The following CIDEA variants were observed in gnomAD, a reference collection of about 807,000 sequenced individuals.
CIDEA encodes cell death inducing DFFA like effector a.
In CIDEA, 10 loss-of-function variants were observed where a neutral mutation model predicts 18.2. The ratio of observed to expected loss-of-function variants is 0.55; its 90% CI spans 0.34 to 0.93. The LOEUF is 0.93. Among genes scored for constraint, CIDEA ranks in the 40% least tolerant of loss-of-function variants. The pLI is 0.02. For synonymous variants in CIDEA, 128 were observed against 124.8 expected (o/e 1.03, Z -0.17); for missense variants, 309 against 293.1 (o/e 1.05, Z -0.40).
chr18:12,259,965 T>A (rs1210658895), intron 1 of CIDEA, among the ~76,000 whole-genome samples: 1 of 152,190 alleles, frequency 6.6e-6, no homozygotes, highest in Non-Finnish European at 1.5e-5. Context: ...GGCCCTGATG[T>A]CATCCTGGCC....
At chr18:12,255,007 G>A (rs146573603) in intron 1 of CIDEA, 8 of 1,130,528 alleles carry the variant, frequency 7.1e-6, no homozygotes, top group Non-Finnish European at 8.0e-6. Flanking sequence ...TCCAAGGGCG[G>A]AGACGCTGCC....
intron 1 of CIDEA, among the ~76,000 whole-genome samples, chr18:12,257,429 G>A (rs1418289410): frequency 6.6e-6 from 1 of 152,118 alleles, no homozygotes; most frequent in Non-Finnish European, 1.5e-5. Context: ...CTCCATAGGT[G>A]GCATGTAAAG....
rs146513528 is a variant in CIDEA at position 12,262,951 on chromosome 18, G to T, written c.165G>T (p.Leu55=). 2 of 1,614,164 alleles carry T rather than the reference G, an allele frequency of 1.2e-6. No homozygotes were observed. The highest frequency in any genetic ancestry group is 1.7e-6 in the Non-Finnish European group (2 of 1,180,042). ...SSRRGVMASS[L]QELISKTLDA... is the part of the protein sequence containing the mutation. ...GGCGTGGGGTGATGGCAAGCAGCCT[G>T]CAGGAGCTCATCAGCAAGGTGCCCC... The change falls in exon 2 of 5, where the codon CTG becomes CTT. Residue 55 remains leucine, a synonymous_variant. Coordinates refer to ENST00000320477, the MANE Select transcript of CIDEA (RefSeq NM_001279.4).
At chr18:12,258,501 A>G (rs1912100070) in intron 1 of CIDEA, among the ~76,000 whole-genome samples, 1 of 152,232 alleles carries the variant, frequency 6.6e-6, no homozygotes, top group African/African-American at 2.4e-5. Flanking sequence ...GTGGGAAAGT[A>G]GGAGATGCAC....
At chr18:12,258,014 T>G (rs1191622991) in intron 1 of CIDEA, among the ~76,000 whole-genome samples, 1 of 152,180 alleles carries the variant, frequency 6.6e-6, no homozygotes, top group Non-Finnish European at 1.5e-5. Flanking sequence ...GTGTTACATA[T>G]GAGACAGCCT....
chr18:12,268,380 G>T (rs1398488949), intron 3 of CIDEA, among the ~76,000 whole-genome samples: 8 of 136,284 alleles, frequency 5.9e-5, no homozygotes, highest in Admixed American at 1.5e-4. Context: ...GCCCCCAGTG[G>T]TTTTTTTTTT....
At chr18:12,260,747 T>A (rs1187123099) in intron 1 of CIDEA, among the ~76,000 whole-genome samples, 1 of 152,212 alleles carries the variant, frequency 6.6e-6, no homozygotes, top group Admixed American at 6.5e-5. Context: ...TATTTTAGCA[T>A]TCAGTGAGTT....
chr18:12,264,703 G>C (rs1349160206), intron 3 of CIDEA, among the ~76,000 whole-genome samples: 1 of 152,046 alleles, frequency 6.6e-6, no homozygotes, highest in South Asian at 2.1e-4. Flanking sequence ...ACAGGCACCC[G>C]CCACCACGCC....
rs1285349657 is a variant in CIDEA, at chr18:12,268,230, AT to A, written c.330+3799del. On this transcript the variant is annotated intron_variant, in intron 3 of 4. Coordinates refer to ENST00000320477, the MANE Select transcript of CIDEA (RefSeq NM_001279.4). ...CAAGTGCCTGCCACCATGCCCGGCC[AT>A]TTTTTTTTTTTTTTTTTTTTTCATT... is the stretch of plus-strand genomic sequence containing the variant. Among the ~76,000 whole-genome samples the A allele has an allele frequency of 9.8e-3, 1,124 of 114,586 alleles. 24 individuals are homozygous for A. Among genetic ancestry groups the A allele is most frequent in the African/African-American group, 0.037 (1,049 of 28,468 alleles). 75.2% of individuals were successfully genotyped at this position (114,586 alleles called of 152,430 possible).
chr18:12,268,806 C>T (rs1360051819), intron 3 of CIDEA, among the ~76,000 whole-genome samples: 4 of 151,638 alleles, frequency 2.6e-5, no homozygotes. Flanking sequence ...AAAGTAATAA[C>T]CCAATACAGA....
intron 1 of CIDEA, among the ~76,000 whole-genome samples, chr18:12,261,091 TA>T (rs1912177794): frequency 6.6e-6 from 1 of 152,152 alleles, no homozygotes; most frequent in Non-Finnish European, 1.5e-5. Flanking sequence ...TTTCTGAATG[TA>T]AAAAAGTCGG....
At chr18:12,273,560 C>T (rs150585711) in intron 3 of CIDEA, among the ~76,000 whole-genome samples, 10 of 152,296 alleles carry the variant, frequency 6.6e-5, no homozygotes, top group South Asian at 2.1e-4. Context: ...CCATGGAGTC[C>T]GCTCTCAACC....
At chr18:12,274,318 C>T (rs1232835325) in intron 4 of CIDEA, 44 bp downstream of exon 4, 2 of 1,589,104 alleles carry the variant, frequency 1.3e-6, no homozygotes, top group Admixed American at 3.3e-5. Flanking sequence ...GCAGACTGCA[C>T]AGGGTGTGGC....
intron 3 of CIDEA, among the ~76,000 whole-genome samples, chr18:12,270,897 T>TTTC (rs1555662493): frequency 1.1e-5 from 1 of 90,870 alleles, no homozygotes; most frequent in Non-Finnish European, 2.5e-5. Context: ...TTCTTTTCTT[T>TTTC]TTTTTTTTTT....
intron 1 of CIDEA, chr18:12,254,724 G>A (rs1398029424): frequency 6.8e-7 from 1 of 1,468,904 alleles, no homozygotes; most frequent in Non-Finnish European, 9.1e-7. Flanking sequence ...CCAGGTGACA[G>A]CTGGCGAGTG....
At position 12,277,426 on chromosome 18, in the gene CIDEA, G is replaced by A. The variant is rs1905382284; in HGVS notation, c.*156G>A. 8 of 864,814 alleles carry A rather than the reference G, an allele frequency of 9.3e-6. No homozygotes were observed. Among genetic ancestry groups the A allele is most frequent in the Non-Finnish European group, 1.4e-5 (8 of 572,022 alleles). The allele number at this position is 864,814 out of a possible 1,614,324, so 53.6% of individuals were successfully genotyped here. Reference sequence around the variant, plus strand: ...TGCCCAGAAAAGGAAAGGGCTTGGTGGTACATGAAGTGGGGGCAGTGGGCA... The same window carrying A: ...TGCCCAGAAAAGGAAAGGGCTTGGTAGTACATGAAGTGGGGGCAGTGGGCA... On this transcript the variant is annotated 3_prime_UTR_variant, in exon 5 of 5. Coordinates refer to ENST00000320477, the MANE Select transcript of CIDEA (RefSeq NM_001279.4).
chr18:12,275,658 G>A (rs1179535116), intron 4 of CIDEA, among the ~76,000 whole-genome samples: 2 of 152,154 alleles, frequency 1.3e-5, no homozygotes, highest in Non-Finnish European at 2.9e-5. Context: ...GATTTGTGCT[G>A]AGCACAGCAA....
At chr18:12,264,663 C>T (rs1315089103) in intron 3 of CIDEA, among the ~76,000 whole-genome samples, 2 of 152,112 alleles carry the variant, frequency 1.3e-5, no homozygotes, top group African/African-American at 2.4e-5. Context: ...ACGCCATTCT[C>T]CTGCCTCAGC....
Position 12,274,095 on chromosome 18 carries a change from C to T in CIDEA, c.333C>T (p.Gly111=), listed in dbSNP as rs773217287. Residue 111 remains glycine, a splice_region_variant and synonymous_variant, in exon 4 of 5, where the codon GGC becomes GGT. Transcript: ENST00000320477. ...TGCCCCTCCCCCCATTGTCACAGGG[C>T]AGCCAGCACGTCCCCACTTGCTCGC... The part of the protein sequence containing the change: ...ILEKGQKWMP[G]SQHVPTCSPP... 1.9e-6 allele frequency: 3 copies of T among 1,614,096 alleles called. No homozygotes were observed. Among genetic ancestry groups the T allele is most frequent in the Admixed American group, 1.7e-5 (1 of 60,028 alleles).
Sources: gnomAD v4.1 joint callset for allele counts (sites outside exome capture counted in the v4.1 genomes callset) on GRCh38, gnomAD v4.1.1 for gene constraint, MANE v1.5 for transcripts, NCBI Gene and HGNC (gene_info 2026-07-23, HGNC 2026-07-21) for gene names.